Variants in QSER1 observed in about 807,000 individuals in gnomAD.
QSER1 encodes glutamine and serine rich 1.
Under a neutral mutation model 158.5 loss-of-function variants are expected in QSER1, and 49 were observed. That is an observed-to-expected ratio of 0.31 (90% CI 0.25 to 0.39). The LOEUF (loss-of-function observed/expected upper bound fraction) is 0.39. Ranked by LOEUF, QSER1 falls within the 10% of genes least tolerant of loss-of-function variation. The pLI is 1.00. For missense variants in QSER1, 1,754 were observed against 2,010.3 expected, an observed-to-expected ratio of 0.87 and a Z score of 2.44; for synonymous variants, 650 against 715.5, an observed-to-expected ratio of 0.91 and a Z score of 1.46.
At chr11:32,955,798 C>G (rs1156476440) in intron 6 of QSER1, among the ~76,000 whole-genome samples, 190 bp from the exon 7 acceptor site, 1 of 151,964 alleles carries the variant, frequency 6.6e-6, no homozygotes, top group Non-Finnish European at 1.5e-5. Context: ...AAGAATATGC[C>G]AAATGAGATT....
chr11:32,930,016 A>T (rs1392701969), intron 3 of QSER1, among the ~76,000 whole-genome samples: 1 of 152,260 alleles, frequency 6.6e-6, no homozygotes, highest in African/African-American at 2.4e-5. Context: ...GGTTCTTTAA[A>T]CATGATTTGA....
chr11:32,899,105 T>C (rs1228424721), intron 1 of QSER1, among the ~76,000 whole-genome samples: 1 of 152,256 alleles, frequency 6.6e-6, no homozygotes, highest in African/African-American at 2.4e-5. Context: ...TACCTATGTA[T>C]TGTTTATGTA....
At position 32,898,908 on chromosome 11, in the gene QSER1, G is replaced by A. The variant is rs529007613; in HGVS notation, c.209+5574G>A. On this transcript the variant is annotated intron_variant, in intron 1 of 12. Coordinates refer to ENST00000650167, the MANE Select transcript of QSER1 (RefSeq NM_001076786.3). ...CATCCTAAATTCCTTCTTACCTTAA[G>A]GTTTTCATACATCGTCTTACCTTCA... is the stretch of plus-strand genomic sequence containing the variant. Among the ~76,000 whole-genome samples, 7 of 152,200 alleles carry A rather than the reference G, an allele frequency of 4.6e-5. No individual in the cohort carries two copies. The South Asian group carries it at 1.0e-3, about 23-fold the overall frequency.
Position 32,953,954 on chromosome 11 carries a change from C to T in QSER1, c.4275C>T (p.Leu1425=). Residue 1425 remains leucine, a synonymous_variant, in exon 5 of 13, where the codon CTC becomes CTT. Coordinates refer to ENST00000650167, the MANE Select transcript of QSER1 (RefSeq NM_001076786.3). ...TGGGTGCAGTTAAGCAAGAACCTCT[C>T]CACTCTACTTCATATGCAGTAAATA... The part of the protein sequence containing the change: ...TTVGAVKQEP[L]HSTSYAVNIL... 1 of 1,614,150 alleles carries T rather than the reference C, an allele frequency of 6.2e-7. No homozygotes were observed.
At chr11:32,908,652 GT>G (rs1346488721) in intron 1 of QSER1, among the ~76,000 whole-genome samples, 1 of 152,146 alleles carries the variant, frequency 6.6e-6, no homozygotes, top group Non-Finnish European at 1.5e-5. Flanking sequence ...AGCACATTTT[GT>G]TTATCCGAAC....
chr11:32,938,366 A>G (rs1852183510), intron 4 of QSER1, among the ~76,000 whole-genome samples: 1 of 152,224 alleles, frequency 6.6e-6, no homozygotes, highest in South Asian at 2.1e-4. Context: ...ATGTAAAAGA[A>G]AAGTAGAACA....
At chr11:32,956,717 C>T (rs1382061406) in intron 7 of QSER1, among the ~76,000 whole-genome samples, 9 of 152,156 alleles carry the variant, frequency 5.9e-5, no homozygotes, top group African/African-American at 2.2e-4. Flanking sequence ...CTACTGGAAG[C>T]AGCTTACCTT....
At chr11:32,943,333 C>T (rs1267405504) in intron 4 of QSER1, among the ~76,000 whole-genome samples, 1 of 147,660 alleles carries the variant, frequency 6.8e-6, no homozygotes, top group Non-Finnish European at 1.5e-5. Flanking sequence ...GGAATGCTTC[C>T]AGTTTTTGCC....
intron 4 of QSER1, 120 bp downstream of exon 4, chr11:32,935,555 T>A: frequency 2.8e-6 from 2 of 705,720 alleles, no homozygotes; most frequent in Non-Finnish European, 4.5e-6. Flanking sequence ...GGACAAAATG[T>A]ATAGGTAGGT....
rs772652552 is a variant in QSER1, at chr11:32,957,115, CTTTT to C, written c.4752-749_4752-746del. On this transcript the variant is annotated intron_variant, in intron 7 of 12. Coordinates refer to ENST00000650167, the MANE Select transcript of QSER1 (RefSeq NM_001076786.3). The stretch of plus-strand genomic sequence containing the variant: ...CTAGGACAGATGCATTTGGGTTTTT[CTTTT>C]TTTTCTTTTTTTTTCTTTTTTTTTT... Among the ~76,000 whole-genome samples, 5 of 139,642 alleles carry C rather than the reference CTTTT, an allele frequency of 3.6e-5. No homozygotes were observed. The South Asian group carries it at 1.2e-3, about 34-fold the overall frequency. 91.6% of individuals were successfully genotyped at this position (139,642 alleles called of 152,430 possible).
Position 32,969,098 on chromosome 11 carries a change from C to A in QSER1, c.5160C>A (p.Asn1720Lys), listed in dbSNP as rs2133606400. The A allele has an allele frequency of 1.3e-6, 2 of 1,597,998 alleles. No individual in the cohort carries two copies. Among genetic ancestry groups the A allele is most frequent in the Non-Finnish European group, 1.7e-6 (2 of 1,173,202 alleles). ...MKKIDGMLND[N>K]RKRLLLNLHL... ...AAATAGATGGCATGCTAAATGATAA[C>A]CGAAAGAGACTTCTTTTGAATCTTC... Residue 1720 changes from asparagine to lysine, a missense_variant, in exon 10 of 13, where the codon AAC (asparagine) becomes AAA (lysine). By Grantham distance (94) the Asn-to-Lys change is moderately conservative. Coordinates refer to ENST00000650167, the MANE Select transcript of QSER1 (RefSeq NM_001076786.3).
chr11:32,908,074 G>A (rs987187780), intron 1 of QSER1, among the ~76,000 whole-genome samples: 2 of 151,958 alleles, frequency 1.3e-5, no homozygotes, highest in Non-Finnish European at 2.9e-5. Context: ...CTCCAGCCTG[G>A]GCAACAGAAT....
At chr11:32,952,285 C>T (rs570056610) in intron 4 of QSER1, among the ~76,000 whole-genome samples, 130 of 152,292 alleles carry the variant, frequency 8.5e-4, no homozygotes, top group African/African-American at 3.1e-3. Context: ...CTCTGTAAAG[C>T]TGGGGAAGTT....
chr11:32,950,343 C>A (rs140401772), intron 4 of QSER1, among the ~76,000 whole-genome samples: 130 of 152,220 alleles, frequency 8.5e-4, no homozygotes, highest in African/African-American at 3.1e-3. Flanking sequence ...ATCTGCCCAC[C>A]CAGGCCTCCC....
chr11:32,907,347 C>T (rs1236745646), intron 1 of QSER1, among the ~76,000 whole-genome samples: 3 of 152,146 alleles, frequency 2.0e-5, no homozygotes, highest in Non-Finnish European at 4.4e-5. Context: ...ATTTGTAATT[C>T]TAGTTCATAT....
At chr11:32,927,375 T>C (rs1851986021) in intron 2 of QSER1, 106 bp downstream of exon 2, 1 of 152,680 alleles carries the variant, frequency 6.5e-6, no homozygotes, top group African/African-American at 2.4e-5. Flanking sequence ...GACATACTCA[T>C]GCCATGGGAA....
At position 32,931,729 on chromosome 11, in the gene QSER1, CCTTTT is replaced by C; in HGVS notation, c.485-10_485-6del. The C allele has an allele frequency of 6.5e-7, 1 of 1,550,382 alleles. No homozygotes were observed. Among genetic ancestry groups the C allele is most frequent in the South Asian group, 1.2e-5 (1 of 80,718 alleles). ...CCATAATTACATAAAAATCTTTGTG[CCTTTT>C]CTTCATAGGCATGCATTCCTCAGCA... On this transcript the variant is annotated splice_polypyrimidine_tract_variant and intron_variant, in intron 3 of 12. Coordinates refer to ENST00000650167, the MANE Select transcript of QSER1 (RefSeq NM_001076786.3).
intron 1 of QSER1, among the ~76,000 whole-genome samples, chr11:32,922,215 A>ATAG (rs1403789187): frequency 6.6e-6 from 1 of 152,198 alleles, no homozygotes; most frequent in Non-Finnish European, 1.5e-5. Context: ...CAAAAGTACA[A>ATAG]TAGATAAATT....
intron 1 of QSER1, among the ~76,000 whole-genome samples, chr11:32,897,343 G>A (rs1331693246): frequency 6.6e-6 from 1 of 152,150 alleles, no homozygotes; most frequent in Non-Finnish European, 1.5e-5. Context: ...CTGCTTTATT[G>A]TAAGATAGTG....
Sources: allele counts gnomAD v4.1 joint callset (sites outside exome capture counted in the v4.1 genomes callset), GRCh38; gene constraint gnomAD v4.1.1; transcripts MANE v1.5; gene names NCBI Gene and HGNC (gene_info 2026-07-23, HGNC 2026-07-21).